CEP295: variants seen among roughly 807,000 people sequenced by gnomAD.
CEP295 encodes centrosomal protein 295.
Under a neutral mutation model 291.6 loss-of-function variants are expected in CEP295, and 190 were observed. That is an observed-to-expected ratio of 0.65 (90% CI 0.58 to 0.73). CEP295 has a LOEUF of 0.73. Among genes scored for constraint, CEP295 ranks in the 30% least tolerant of loss-of-function variants. CEP295 has a pLI of 0.00. For synonymous variants in CEP295, 993 were observed against 1,038.8 expected, an observed-to-expected ratio of 0.96 and a Z score of 0.85; for missense variants, 2,863 against 2,949.4, an observed-to-expected ratio of 0.97 and a Z score of 0.68.
At position 93,721,323 on chromosome 11, in the gene CEP295, G is replaced by T. The variant is rs1454819514; in HGVS notation, c.5761G>T (p.Glu1921Ter). 6.4e-7 allele frequency: 1 copy of T among 1,550,504 alleles called. No homozygotes were observed. The change falls in exon 19 of 30, where the codon GAA becomes TAA. Residue 1921 changes from glutamate to a stop codon, truncating the protein, a stop_gained. Coordinates refer to ENST00000325212, the MANE Select transcript of CEP295 (RefSeq NM_033395.2). LOFTEE classifies it high-confidence loss of function. ...AATCCATTTTTCAGTTAAGCTGAAGGAATCTGTTGTTGAAAATCATGCAGT... is the reference window on the plus strand; with the variant it reads ...AATCCATTTTTCAGTTAAGCTGAAGTAATCTGTTGTTGAAAATCATGCAGT... ...DDYDEAVKLK[E>*]SVVENHAVLS...
At chr11:93,726,133 T>TTTG (rs2135347866) in intron 23 of CEP295, among the ~76,000 whole-genome samples, 1 of 152,300 alleles carries the variant, frequency 6.6e-6, no homozygotes, top group South Asian at 2.1e-4. Context: ...TGTTTTTGTT[T>TTTG]TTATTTTGTT....
At position 93,729,778 on chromosome 11, in the gene CEP295, A is replaced by C. The variant is rs564226787; in HGVS notation, c.7564A>C (p.Ile2522Leu). The C allele has an allele frequency of 1.9e-6, 3 of 1,539,798 alleles. No individual in the cohort carries two copies. Among genetic ancestry groups the C allele is most frequent in the Middle Eastern group, 1.7e-4 (1 of 5,914 alleles). The change falls in exon 27 of 30, where the codon ATA (isoleucine) becomes CTA (leucine). Residue 2522 changes from isoleucine (I) to leucine (L), a missense_variant. Physicochemically the swap from Ile to Leu is conservative, Grantham distance 5 (BLOSUM62 2). Transcript: ENST00000325212. The stretch of plus-strand genomic sequence containing the variant: ...CAAAACAGTTAAAGAGAAACCATCT[A>C]TAAGTATGTTGAATTTTTAAAATCT... The part of the protein sequence containing the change: ...QIKTVKEKPS[I>L]SSSVSRLKGV...
At position 93,699,959 on chromosome 11, in the gene CEP295, A is replaced by C. The variant is rs1038927576; in HGVS notation, c.5047A>C (p.Ser1683Arg). Residue 1683 changes from serine (S) to arginine (R), a missense_variant, in exon 15 of 30, where the codon AGT becomes CGT. This residue lies in a region of CEP295 where 2,295 missense variants were observed against 2,335.7 expected (regional missense o/e 0.98). Coordinates refer to ENST00000325212, the MANE Select transcript of CEP295 (RefSeq NM_033395.2). The stretch of plus-strand genomic sequence containing the variant: ...CCAGAATGAACATGCAGCCCCCCCA[A>C]GTAATCCTGTGATCCCAGGGTTTCA... ...SSQNEHAAPP[S>R]NPVIPGFQDR... is the part of the protein sequence containing the mutation. The C allele has an allele frequency of 8.4e-6, 13 of 1,551,636 alleles. No homozygotes were observed. Among genetic ancestry groups the C allele is most frequent in the Non-Finnish European group, 1.1e-5 (13 of 1,147,012 alleles).
At chr11:93,663,230 C>T (rs1367049096) in intron 1 of CEP295, among the ~76,000 whole-genome samples, 14 of 152,208 alleles carry the variant, frequency 9.2e-5, no homozygotes, top group Admixed American at 8.5e-4. Context: ...AATCTCCCCA[C>T]GGGTTCTTGC....
intron 5 of CEP295, among the ~76,000 whole-genome samples, chr11:93,673,889 A>T (rs919732190): frequency 6.6e-6 from 1 of 151,534 alleles, no homozygotes; most frequent in Non-Finnish European, 1.5e-5. Context: ...CTTAAAAACT[A>T]CTCAGATAAT....
At chr11:93,676,210 TGAAAGA>T (rs1477758903) in intron 6 of CEP295, among the ~76,000 whole-genome samples, 1 of 152,018 alleles carries the variant, frequency 6.6e-6, no homozygotes, top group East Asian at 1.9e-4. Flanking sequence ...TATAAATTCC[TGAAAGA>T]GAAAGTATTG....
intron 10 of CEP295, among the ~76,000 whole-genome samples, chr11:93,688,066 T>C (rs1951334166): frequency 6.6e-6 from 1 of 152,192 alleles, no homozygotes; most frequent in Non-Finnish European, 1.5e-5. Context: ...TTTATATATA[T>C]TAATTGCAAA....
chr11:93,708,808 A>G (rs1288289870), intron 18 of CEP295, among the ~76,000 whole-genome samples: 2 of 152,192 alleles, frequency 1.3e-5, no homozygotes, highest in African/African-American at 2.4e-5. Flanking sequence ...CAAAACATTC[A>G]TTATTACCTG....
At chr11:93,665,459 G>A (rs999298409) in intron 1 of CEP295, among the ~76,000 whole-genome samples, 3 of 152,212 alleles carry the variant, frequency 2.0e-5, no homozygotes, top group African/African-American at 7.2e-5. Context: ...TTTAATCCCA[G>A]CAACTGGGGA....
intron 2 of CEP295, 127 bp from the exon 3 acceptor site, chr11:93,667,480 C>A (rs1950245871): frequency 1.5e-6 from 1 of 649,906 alleles, no homozygotes; most frequent in East Asian, 2.8e-5. Flanking sequence ...TTATCTAATA[C>A]AAGATGAGTA....
rs554992048 is a variant in CEP295, at chr11:93,697,356, G to C, written c.2444G>C (p.Ser815Thr). 9.0e-6 allele frequency: 14 copies of C among 1,551,874 alleles called. No individual in the cohort carries two copies. The African/African-American group carries it at 1.8e-4, about 20-fold the overall frequency. ...GKIQEPFSAM[S>T]KSTVSTSHSI... is the part of the protein sequence containing the mutation. ...ATTCAAGAACCCTTTTCAGCCATGA[G>C]CAAAAGTACAGTTTCCACAAGCCAT... Residue 815 changes from serine (S) to threonine (T), a missense_variant, in exon 15 of 30, where the codon AGC (serine) becomes ACC (threonine). By Grantham distance (58) the Ser-to-Thr change is moderately conservative. Around this residue, in one of 3 missense-constraint regions of CEP295, gnomAD observed 2,295 missense variants for 2,335.7 expected, o/e 0.98. Coordinates refer to ENST00000325212, the MANE Select transcript of CEP295 (RefSeq NM_033395.2).
At chr11:93,690,976 C>T (rs182128579) in intron 10 of CEP295, among the ~76,000 whole-genome samples, 30 of 152,312 alleles carry the variant, frequency 2.0e-4, no homozygotes, top group Admixed American at 7.2e-4. Flanking sequence ...TTTCAAGTGT[C>T]TGCTTAAATG....
In CEP295 at chr11:93,729,927, A is replaced by G. The variant is rs373561029; in HGVS notation, c.7625A>G (p.Asp2542Gly). 8.4e-6 allele frequency: 13 copies of G among 1,549,480 alleles called. No individual in the cohort carries two copies. In the African/African-American group the frequency reaches 1.5e-4, roughly 18 times the overall value. ...AAAGTCAGAGCATCTTTTCCTGAAG[A>G]CAGAAAGACTACACAGGCTCTAAGG... ...VNKVRASFPEDRKTTQALRHQ... is the reference protein window; with the variant it reads ...VNKVRASFPEGRKTTQALRHQ... The change falls in exon 28 of 30, where the codon GAC becomes GGC. Residue 2542 changes from aspartate to glycine, a missense_variant. Physicochemically the swap from Asp to Gly is moderately conservative, Grantham distance 94. Around this residue, in one of 3 missense-constraint regions of CEP295, gnomAD observed 2,295 missense variants for 2,335.7 expected, o/e 0.98. Transcript: ENST00000325212.
chr11:93,727,801 ACAC>A (rs1464093318), intron 24 of CEP295, 164 bp downstream of exon 24: 2 of 573,364 alleles, frequency 3.5e-6, no homozygotes, highest in Admixed American at 3.5e-5. Flanking sequence ...TAGTTTGGAC[ACAC>A]CACAATGCCT....
intron 12 of CEP295, among the ~76,000 whole-genome samples, chr11:93,694,876 G>T (rs1951771811): frequency 6.6e-6 from 1 of 152,206 alleles, no homozygotes; most frequent in African/African-American, 2.4e-5. Flanking sequence ...GGACTAAGGT[G>T]CTGGATTTGG....
At position 93,697,259 on chromosome 11, in the gene CEP295, C is replaced by G. The variant is rs117405490; in HGVS notation, c.2347C>G (p.Pro783Ala). 2.2e-3 allele frequency: 3,445 copies of G among 1,551,686 alleles called. 5 individuals carry two copies. The highest frequency in any genetic ancestry group is 2.7e-3 in the Non-Finnish European group (3,117 of 1,146,972). Residue 783 changes from proline (P) to alanine (A), a missense_variant, in exon 15 of 30, where the codon CCT becomes GCT. Pro to Ala is a conservative substitution (Grantham distance 27). This residue lies in a region of CEP295 where 2,295 missense variants were observed against 2,335.7 expected (regional missense o/e 0.98). Coordinates refer to ENST00000325212, the MANE Select transcript of CEP295 (RefSeq NM_033395.2). Reference sequence around the variant, plus strand: ...AAATATATCTTACCATTTAACTGAACCTTCTTCATTTGTACCACTGGTACC... The same window carrying G: ...AAATATATCTTACCATTTAACTGAAGCTTCTTCATTTGTACCACTGGTACC... Reference protein sequence around the residue: ...SENISYHLTEPSSFVPLVPQH... With the variant: ...SENISYHLTEASSFVPLVPQH...
intron 5 of CEP295, among the ~76,000 whole-genome samples, chr11:93,670,985 C>T (rs548573518): frequency 1.3e-4 from 20 of 152,194 alleles, no homozygotes; most frequent in African/African-American, 3.1e-4. Context: ...TGGGTTCCAG[C>T]GATCCTCCCA....
Position 93,706,800 on chromosome 11 carries a change from A to T in CEP295, c.5652A>T (p.Glu1884Asp). Residue 1884 changes from glutamate (E) to aspartate (D), a missense_variant, in exon 18 of 30, where the codon GAA (glutamate) becomes GAT (aspartate). Physicochemically the swap from Glu to Asp is conservative, Grantham distance 45 (BLOSUM62 2). This residue lies in a region of CEP295 where 2,295 missense variants were observed against 2,335.7 expected (regional missense o/e 0.98). Coordinates refer to ENST00000325212, the MANE Select transcript of CEP295 (RefSeq NM_033395.2). Reference protein sequence around the residue: ...RDPLRVSISREQSFFGSPLAH... With the variant: ...RDPLRVSISRDQSFFGSPLAH... ...CCCTGCGAGTCTCAATAAGCCGAGA[A>T]CAAAGTTTCTTTGGGAGCCCACTGG... is the stretch of plus-strand genomic sequence containing the variant. 6.4e-7 allele frequency: 1 copy of T among 1,550,734 alleles called. No homozygotes were observed. Among genetic ancestry groups the T allele is most frequent in the Non-Finnish European group, 8.7e-7 (1 of 1,146,516 alleles).
chr11:93,721,525 C>T, intron 19 of CEP295, 113 bp downstream of exon 19: 1 of 815,034 alleles, frequency 1.2e-6, no homozygotes, highest in Non-Finnish European at 2.2e-6. Flanking sequence ...TTTCTGAGAT[C>T]TGCTTTTAGT....
Sources: gnomAD v4.1 joint callset for allele counts (sites outside exome capture counted in the v4.1 genomes callset) on GRCh38, gnomAD v4.1.1 for gene constraint, gnomAD v4.1.1 regional missense constraint, MANE v1.5 for transcripts, NCBI Gene and HGNC (gene_info 2026-07-23, HGNC 2026-07-21) for gene names.